CC2D2A: variants seen among roughly 807,000 people sequenced by gnomAD.
The protein encoded by CC2D2A is coiled-coil and C2 domain-containing protein 2A.
A neutral mutation model predicts 212.9 loss-of-function variants in CC2D2A; 155 were observed. The ratio of observed to expected loss-of-function variants is 0.73; its 90% CI spans 0.64 to 0.83. The LOEUF (loss-of-function observed/expected upper bound fraction) is 0.83. CC2D2A is among the 40% of genes least tolerant of loss of function. CC2D2A has a pLI of 0.00. For synonymous variants in CC2D2A, 667 were observed against 686.5 expected, an observed-to-expected ratio of 0.97 and a Z score of 0.44; for missense variants, 1,856 against 1,956.2, an observed-to-expected ratio of 0.95 and a Z score of 0.97.
At chr4:15,476,801 G>A (rs1311261790) in intron 2 of CC2D2A, among the ~76,000 whole-genome samples, 1 of 152,158 alleles carries the variant, frequency 6.6e-6, no homozygotes, top group African/African-American at 2.4e-5. Flanking sequence ...TTAAAGCACT[G>A]CCCACACCAG....
chr4:15,497,781 T>C (rs1309232152), intron 4 of CC2D2A, among the ~76,000 whole-genome samples: 1 of 152,216 alleles, frequency 6.6e-6, no homozygotes, highest in Non-Finnish European at 1.5e-5. Flanking sequence ...CATGTGCTAG[T>C]TAGCCAATTG....
intron 30 of CC2D2A, among the ~76,000 whole-genome samples, chr4:15,582,515 A>G (rs373776236): frequency 1.5e-4 from 23 of 152,288 alleles, no homozygotes; most frequent in African/African-American, 5.1e-4. Context: ...AAAAAAGGAG[A>G]CACTGCAACT....
chr4:15,502,342 G>A, intron 4 of CC2D2A, 87 bp from the exon 5 acceptor site: 1 of 1,004,930 alleles, frequency 1.0e-6, no homozygotes, highest in South Asian at 1.7e-5. Context: ...CCCTTTTGGG[G>A]GGAGGGAATT....
At chr4:15,586,121 T>C (rs371068686) in intron 30 of CC2D2A, 36 bp from the exon 31 acceptor site, 287 of 1,432,966 alleles carry the variant, frequency 2.0e-4, no homozygotes, top group Non-Finnish European at 2.6e-4. Flanking sequence ...TGTTTTATTA[T>C]AAATTATTTT....
chr4:15,516,626 A>G lies in CC2D2A; in HGVS notation c.1019A>G (p.Glu340Gly). Reference protein sequence around the residue: ...MENRLLMQDPERRWFGDDGRI... With the variant: ...MENRLLMQDPGRRWFGDDGRI... ...CCATTCCCTCTGCTTCATCTACAGGAAAGAAGATGGTTTGGAGATGACGGC... is the reference window on the plus strand; with the variant it reads ...CCATTCCCTCTGCTTCATCTACAGGGAAGAAGATGGTTTGGAGATGACGGC... Residue 340 changes from glutamate to glycine, a missense_variant and splice_region_variant, in exon 11 of 37, where the codon GAA becomes GGA. Coordinates refer to ENST00000424120, the MANE Select transcript of CC2D2A (RefSeq NM_001378615.1). The G allele has an allele frequency of 6.2e-7, 1 of 1,611,524 alleles. No individual in the cohort carries two copies. Among genetic ancestry groups the G allele is most frequent in the East Asian group, 2.2e-5 (1 of 44,838 alleles).
intron 28 of CC2D2A, among the ~76,000 whole-genome samples, chr4:15,571,770 T>A (rs948250440): frequency 6.6e-6 from 1 of 152,176 alleles, no homozygotes; most frequent in Non-Finnish European, 1.5e-5. Flanking sequence ...TGAATAGATT[T>A]TAAATGGAAA....
At chr4:15,513,973 A>T (rs1331476802) in intron 8 of CC2D2A, among the ~76,000 whole-genome samples, 1 of 152,184 alleles carries the variant, frequency 6.6e-6, no homozygotes, top group African/African-American at 2.4e-5. Flanking sequence ...GTTGCTCATA[A>T]ATGGACACCA....
At chr4:15,534,800 T>A (rs562842101) in intron 14 of CC2D2A, among the ~76,000 whole-genome samples, 1 of 152,158 alleles carries the variant, frequency 6.6e-6, no homozygotes, top group Admixed American at 6.5e-5. Context: ...TATAAGACTG[T>A]GTGATCTTTG....
At chr4:15,575,427 G>A (rs1367547721) in intron 29 of CC2D2A, among the ~76,000 whole-genome samples, 2 of 152,220 alleles carry the variant, frequency 1.3e-5, no homozygotes, top group Non-Finnish European at 2.9e-5. Flanking sequence ...TGGGAGTACA[G>A]TAGGCTAGAA....
At chr4:15,567,032 C>T (rs1719912553) in intron 24 of CC2D2A, among the ~76,000 whole-genome samples, 1 of 151,984 alleles carries the variant, frequency 6.6e-6, no homozygotes, top group Admixed American at 6.6e-5. Flanking sequence ...CCTGTGATTC[C>T]AGCACTTTGG....
intron 4 of CC2D2A, among the ~76,000 whole-genome samples, chr4:15,486,565 T>C (rs1202575317): frequency 6.6e-6 from 1 of 152,036 alleles, no homozygotes; most frequent in South Asian, 2.1e-4. Flanking sequence ...TTAATCTGGC[T>C]AAAGTTTTGT....
intron 11 of CC2D2A, among the ~76,000 whole-genome samples, 166 bp downstream of exon 11, chr4:15,516,922 A>G (rs1577341476): frequency 6.6e-6 from 1 of 151,056 alleles, no homozygotes; most frequent in East Asian, 1.9e-4. Flanking sequence ...GAGTAAGTCT[A>G]ATTATACTCA....
rs764015812 is a variant in CC2D2A at position 15,510,257 on chromosome 4, T to C, written c.540+17T>C. 1.1e-5 allele frequency: 17 copies of C among 1,590,650 alleles called. No homozygotes were observed. In the East Asian group the frequency reaches 2.9e-4, roughly 27 times the overall value. On this transcript the variant is annotated intron_variant, in intron 7 of 36. Transcript: ENST00000424120. The stretch of plus-strand genomic sequence containing the variant: ...AAACCCCAGGTGAGAAATCTTGTTT[T>C]TTAAAATCATTTGTTTGTTTGTGTT...
At chr4:15,470,651 C>CTA (rs1431317542) in intron 1 of CC2D2A, among the ~76,000 whole-genome samples, 24 of 93,902 alleles carry the variant, frequency 2.6e-4, no homozygotes, top group African/African-American at 1.4e-3. Context: ...AGCATGAAAT[C>CTA]TCTCTCTCTC....
chr4:15,596,239 A>T, intron 34 of CC2D2A, 32 bp downstream of exon 34: 1 of 1,469,846 alleles, frequency 6.8e-7, no homozygotes, highest in Non-Finnish European at 9.0e-7. Flanking sequence ...TTAAATGTAG[A>T]CAAAGTAAAA....
chr4:15,483,577 A>T lies in CC2D2A; in HGVS notation c.247+2750A>T, dbSNP rs566807048. 2.0e-5 allele frequency among the ~76,000 whole-genome samples: 3 copies of T among 152,322 alleles called. No individual in the cohort carries two copies. The South Asian group carries it at 6.2e-4, about 32-fold the overall frequency. ...AGAAGGAGTGTCAAAGAATGTATGG[A>T]CATTTTTACTACCACATTAATTTTT... is the stretch of plus-strand genomic sequence containing the variant. On this transcript the variant is annotated intron_variant, in intron 4 of 36. Transcript: ENST00000424120.
chr4:15,514,821 CG>C lies in CC2D2A; in HGVS notation c.834del (p.Leu279CysfsTer40), dbSNP rs386833765. The C allele has an allele frequency of 7.4e-6, 12 of 1,613,716 alleles. No individual in the cohort carries two copies. Among genetic ancestry groups the C allele is most frequent in the African/African-American group, 2.7e-5 (2 of 74,914 alleles). ...TGCAGATTATGAAAGCATCCATGAT[CG>C]GCTGCAGATGGAAAGAGAAATGCTC... The part of the protein sequence containing the change: ...RPADYESIHD[R>X]LQMEREMLFI... On this transcript the variant is annotated frameshift_variant, in exon 9 of 37. Coordinates refer to ENST00000424120, the MANE Select transcript of CC2D2A (RefSeq NM_001378615.1). LOFTEE classifies it high-confidence loss of function.
intron 6 of CC2D2A, among the ~76,000 whole-genome samples, chr4:15,503,200 G>A (rs1475015214): frequency 6.6e-6 from 1 of 152,118 alleles, no homozygotes; most frequent in Non-Finnish European, 1.5e-5. Flanking sequence ...CTACTCGGGA[G>A]GCTGAGGTGG....
At chr4:15,475,500 G>A (rs1431742085) in intron 1 of CC2D2A, among the ~76,000 whole-genome samples, 1 of 152,148 alleles carries the variant, frequency 6.6e-6, no homozygotes, top group African/African-American at 2.4e-5. Flanking sequence ...TGGAAGCAGA[G>A]GAGGTGGCGG....
Sources: gnomAD v4.1 joint callset for allele counts (sites outside exome capture counted in the v4.1 genomes callset) on GRCh38, gnomAD v4.1.1 for gene constraint, MANE v1.5 for transcripts, NCBI Gene and HGNC (gene_info 2026-07-23, HGNC 2026-07-21) for gene names.